PILRA: variants seen among roughly 807,000 people sequenced by gnomAD.
PILRA encodes paired immunoglobin like type 2 receptor alpha.
In PILRA, 37 loss-of-function variants were observed where a neutral mutation model predicts 33.1. The ratio of observed to expected loss-of-function variants is 1.12; its 90% CI spans 0.86 to 1.47. The LOEUF (loss-of-function observed/expected upper bound fraction) is 1.47, where lower values mean the gene tolerates loss of function less well. Ranked by LOEUF, PILRA falls within the 40% of genes most tolerant of loss-of-function variation. The probability of loss-of-function intolerance (pLI) is 0.00; values close to 1 mark genes in which losing one functional copy is unlikely to be tolerated. For missense variants in PILRA, 312 were observed against 376.2 expected, an observed-to-expected ratio of 0.83 and a Z score of 1.41; for synonymous variants, 146 against 149.9, an observed-to-expected ratio of 0.97 and a Z score of 0.19.
chr7:100,382,514 T>C (rs1356687447), intron 2 of PILRA, among the ~76,000 whole-genome samples: 2 of 152,180 alleles, frequency 1.3e-5, no homozygotes, highest in Non-Finnish European at 2.9e-5. Context: ...TGTGTCTAGC[T>C]CAGGGATTGT....
intron 2 of PILRA, among the ~76,000 whole-genome samples, chr7:100,377,231 C>CTTTTTTTTTTTTTTTTTTTT: frequency 9.9e-6 from 1 of 100,930 alleles, no homozygotes; most frequent in Non-Finnish European, 2.0e-5. Context: ...TTTTCTATTT[C>CTTTTTTTTTTTTTTTTTTTT]TTTTTTTTTT....
At chr7:100,384,907 C>G (rs759190435) in intron 2 of PILRA, among the ~76,000 whole-genome samples, 33 of 152,130 alleles carry the variant, frequency 2.2e-4, no homozygotes, top group Non-Finnish European at 2.9e-4. Flanking sequence ...GAGAAATCAA[C>G]AGAGACGTCT....
At chr7:100,383,073 C>T (rs1011235694) in intron 2 of PILRA, among the ~76,000 whole-genome samples, 2 of 152,056 alleles carry the variant, frequency 1.3e-5, no homozygotes, top group Admixed American at 6.6e-5. Context: ...ACAGAGATTG[C>T]TAAGGGTGGC....
chr7:100,398,458 C>T lies in PILRA; in HGVS notation c.707+546C>T, dbSNP rs995456469. ...GGGCTCTTCCTCTCCACCCTCCCACCTCTCTTTCCTTTCCTCTGGCCCCTC... is the reference window on the plus strand; with the variant it reads ...GGGCTCTTCCTCTCCACCCTCCCACTTCTCTTTCCTTTCCTCTGGCCCCTC... On this transcript the variant is annotated intron_variant, in intron 4 of 6. Coordinates refer to ENST00000198536, the MANE Select transcript of PILRA (RefSeq NM_013439.3). Among the ~76,000 whole-genome samples, 134 of 152,270 alleles carry T rather than the reference C, an allele frequency of 8.8e-4. 1 individual carries two copies. The highest frequency in any genetic ancestry group is 3.1e-3 in the African/African-American group (129 of 41,558).
At chr7:100,380,236 G>C (rs1563116815) in intron 2 of PILRA, among the ~76,000 whole-genome samples, 1 of 152,198 alleles carries the variant, frequency 6.6e-6, no homozygotes, top group Non-Finnish European at 1.5e-5. Flanking sequence ...TGTTTGGGAA[G>C]CCTAAGGCTA....
chr7:100,397,639 C>G (rs903181867), intron 3 of PILRA, among the ~76,000 whole-genome samples: 41 of 151,944 alleles, frequency 2.7e-4, no homozygotes, highest in Admixed American at 1.1e-3. Context: ...GAGAAAGAAA[C>G]CAAGGGAGGG....
At position 100,400,007 on chromosome 7, in the gene PILRA, C is replaced by A; in HGVS notation, c.*100C>A. On this transcript the variant is annotated 3_prime_UTR_variant, in exon 7 of 7. Coordinates refer to ENST00000198536, the MANE Select transcript of PILRA (RefSeq NM_013439.3). ...GAAGCCTGAGGCAGAATCAAGTGAGCCCAGGAGTTCAGGGCCAGCTTTGAT... is the reference window on the plus strand; with the variant it reads ...GAAGCCTGAGGCAGAATCAAGTGAGACCAGGAGTTCAGGGCCAGCTTTGAT... 7.8e-7 allele frequency: 1 copy of A among 1,275,006 alleles called. No individual in the cohort carries two copies. The highest frequency in any genetic ancestry group is 1.0e-6 in the Non-Finnish European group (1 of 956,878). 79.0% of individuals were successfully genotyped at this position (1,275,006 alleles called of 1,614,324 possible). A position where few individuals can be genotyped will look rare whatever the true frequency, so the allele number is the denominator to read the frequency against.
chr7:100,373,373 C>G, upstream of PILRA: 2 of 569,644 alleles, frequency 3.5e-6, no homozygotes, highest in South Asian at 4.3e-5. Context: ...CCCAGCCCCT[C>G]GGCAGGAGGA....
chr7:100,380,021 A>G (rs957395395), intron 2 of PILRA, among the ~76,000 whole-genome samples: 1 of 152,200 alleles, frequency 6.6e-6, no homozygotes. Flanking sequence ...TGAAAACTAG[A>G]GGACATTGAA....
In PILRA at chr7:100,399,311, A is replaced by G. The variant is rs1399050357; in HGVS notation, c.728A>G (p.Glu243Gly). 9.3e-6 allele frequency: 15 copies of G among 1,612,770 alleles called. No individual in the cohort carries two copies. The highest frequency in any genetic ancestry group is 1.3e-5 in the Non-Finnish European group (15 of 1,179,010). ...TPAREPFQNT[E>G]EPYENIRNEG... ...TACAGGGAACCCTTCCAAAACACAG[A>G]GGAGCCATATGAGAATATCAGGAAT... is the stretch of plus-strand genomic sequence containing the variant. The change falls in exon 5 of 7, where the codon GAG (glutamate) becomes GGG (glycine). Residue 243 changes from glutamate (E) to glycine (G), a missense_variant. Glu to Gly is a moderately conservative substitution (Grantham distance 98, BLOSUM62 -2). Transcript: ENST00000198536.
intron 2 of PILRA, among the ~76,000 whole-genome samples, chr7:100,375,007 C>G (rs1790913603): frequency 6.6e-6 from 1 of 152,178 alleles, no homozygotes; most frequent in African/African-American, 2.4e-5. Flanking sequence ...CTCTGCTTCC[C>G]AGAAGTGTCC....
At chr7:100,375,149 T>C (rs1011128661) in intron 2 of PILRA, among the ~76,000 whole-genome samples, 4 of 152,142 alleles carry the variant, frequency 2.6e-5, no homozygotes, top group African/African-American at 9.7e-5. Flanking sequence ...GCCCCTGGGT[T>C]CTTCCAGCCG....
rs1421302492 is a variant in PILRA, at chr7:100,395,044, GAAA to G, written c.674-2833_674-2831del. Reference sequence around the variant, plus strand: ...ATCAAAAGGCAACCTATAGAATGGGGAAAATATTTGTAAATTATATATCTGATA... The same window carrying G: ...ATCAAAAGGCAACCTATAGAATGGGGATATTTGTAAATTATATATCTGATA... On this transcript the variant is annotated intron_variant, in intron 3 of 6. Coordinates refer to ENST00000198536, the MANE Select transcript of PILRA (RefSeq NM_013439.3). Among the ~76,000 whole-genome samples the G allele has an allele frequency of 1.4e-4, 22 of 152,230 alleles. No homozygotes were observed. The East Asian group carries it at 3.9e-3, about 27-fold the overall frequency.
At position 100,374,498 on chromosome 7, in the gene PILRA, C is replaced by T. The variant is rs765926366; in HGVS notation, c.454+65C>T. ...GTGAGGCTTTTATGATCACTGGTGA[C>T]ATCGTCCCCAGCACCTCAGACCCCA... On this transcript the variant is annotated intron_variant, in intron 2 of 6. Transcript: ENST00000198536. 51 of 1,592,016 alleles carry T rather than the reference C, an allele frequency of 3.2e-5. No individual in the cohort carries two copies. In the African/African-American group the frequency reaches 3.4e-4, roughly 10 times the overall value.
chr7:100,392,020 GGGC>G (rs2130225277), intron 3 of PILRA, among the ~76,000 whole-genome samples: 1 of 152,156 alleles, frequency 6.6e-6, no homozygotes, highest in African/African-American at 2.4e-5. Flanking sequence ...TGTTTGCAAT[GGGC>G]TAGGCATGAT....
Position 100,400,030 on chromosome 7 carries a change from G to C in PILRA, c.*123G>C. The C allele has an allele frequency of 1.1e-6, 1 of 917,414 alleles. No homozygotes were observed. The highest frequency in any genetic ancestry group is 2.9e-5 in the Admixed American group (1 of 34,410). The allele number at this position is 917,414 out of a possible 1,614,324, so 56.8% of individuals were successfully genotyped here. ...AGCCCAGGAGTTCAGGGCCAGCTTT[G>C]ATAATGGAGCGAGATGCCATCTCTA... is the stretch of plus-strand genomic sequence containing the variant. On this transcript the variant is annotated 3_prime_UTR_variant, in exon 7 of 7. Transcript: ENST00000198536.
At chr7:100,378,840 C>T (rs1791012075) in intron 2 of PILRA, among the ~76,000 whole-genome samples, 1 of 152,072 alleles carries the variant, frequency 6.6e-6, no homozygotes, top group Non-Finnish European at 1.5e-5. Flanking sequence ...CACCTGTAAA[C>T]CCAGCACTTT....
intron 2 of PILRA, among the ~76,000 whole-genome samples, chr7:100,385,904 C>T (rs1791241910): frequency 6.6e-6 from 1 of 150,664 alleles, no homozygotes; most frequent in African/African-American, 2.4e-5. Flanking sequence ...GCTGGGATTA[C>T]AGGCGTGAGC....
chr7:100,371,888 G>A (rs1250311412), upstream of PILRA, among the ~76,000 whole-genome samples: 1 of 152,214 alleles, frequency 6.6e-6, no homozygotes, highest in Non-Finnish European at 1.5e-5. Flanking sequence ...TCCAGGGCCT[G>A]AAAGTGACAT....
Sources: gnomAD v4.1 joint callset for allele counts (sites outside exome capture counted in the v4.1 genomes callset) on GRCh38, gnomAD v4.1.1 for gene constraint, MANE v1.5 for transcripts, NCBI Gene and HGNC (gene_info 2026-07-23, HGNC 2026-07-21) for gene names.